The following INSR variants were observed in gnomAD, a reference collection of about 807,000 sequenced individuals.
INSR encodes the protein insulin receptor.
Under a neutral mutation model 142.6 loss-of-function variants are expected in INSR, and 67 were observed. The observed-to-expected ratio is 0.47, with a 90% CI of 0.39 to 0.58. The LOEUF is 0.58. Ranked by LOEUF, INSR falls within the 20% of genes least tolerant of loss-of-function variation. The pLI is 0.00. For synonymous variants in INSR, 756 were observed against 743.1 expected (o/e 1.02, Z -0.28); for missense variants, 1,248 against 1,833.2 (o/e 0.68, Z 5.83).
At chr19:7,205,284 C>T (rs901444301) in intron 2 of INSR, among the ~76,000 whole-genome samples, 5 of 152,340 alleles carry the variant, frequency 3.3e-5, no homozygotes, top group South Asian at 2.1e-4. Flanking sequence ...AAGCACATTT[C>T]GTTACAAATT....
At chr19:7,136,450 G>A (rs78463963) in intron 13 of INSR, among the ~76,000 whole-genome samples, 1,951 of 152,116 alleles carry the variant, frequency 0.013, 43 homozygotes, top group African/African-American at 0.044. Flanking sequence ...CTCAGTCCTG[G>A]CTAAACCTAG....
At chr19:7,190,469 T>A (rs556917566) in intron 2 of INSR, among the ~76,000 whole-genome samples, 24 of 147,100 alleles carry the variant, frequency 1.6e-4, no homozygotes, top group African/African-American at 5.0e-4. Context: ...GCCTCCCGGG[T>A]TCAAGCAATT....
chr19:7,211,522 C>A (rs1163238230), intron 2 of INSR, among the ~76,000 whole-genome samples: 1 of 152,196 alleles, frequency 6.6e-6, no homozygotes, highest in Non-Finnish European at 1.5e-5. Context: ...TTCTTAACGA[C>A]CTGGGCCTTT....
At position 7,216,302 on chromosome 19, in the gene INSR, C is replaced by T. The variant is rs1975431658; in HGVS notation, c.653-31665G>A. ...TCGTGCCATTGCACTCCAGCCTGGG[C>T]AAGAGAGCAAGACTCTGTCTCAAAG... On this transcript the variant is annotated intron_variant, in intron 2 of 21. Coordinates refer to ENST00000302850, the MANE Select transcript of INSR (RefSeq NM_000208.4). The surrounding 1 kb of genome is among the most constrained non-coding windows in gnomAD (Gnocchi z 4.2). Among the ~76,000 whole-genome samples, 2 of 152,154 alleles carry T rather than the reference C, an allele frequency of 1.3e-5. No individual in the cohort carries two copies. The highest frequency in any genetic ancestry group is 4.1e-4 in the South Asian group (2 of 4,822).
chr19:7,215,399 G>A (rs1051717669), intron 2 of INSR, among the ~76,000 whole-genome samples: 1 of 151,750 alleles, frequency 6.6e-6, no homozygotes, highest in African/African-American at 2.4e-5. Context: ...AATTCCAGCA[G>A]AGCAGACAGC....
At chr19:7,260,268 G>C (rs756491897) in intron 2 of INSR, among the ~76,000 whole-genome samples, 1 of 152,118 alleles carries the variant, frequency 6.6e-6, no homozygotes, top group East Asian at 1.9e-4. Context: ...TGGTGCCGAC[G>C]TCCATATGTG....
chr19:7,191,475 A>G lies in INSR; in HGVS notation c.653-6838T>C, dbSNP rs74809527. 3.5e-4 allele frequency among the ~76,000 whole-genome samples: 53 copies of G among 152,194 alleles called. No individual in the cohort carries two copies. The East Asian group carries it at 9.9e-3, about 28-fold the overall frequency. On this transcript the variant is annotated intron_variant, in intron 2 of 21. Transcript: ENST00000302850. ...ACGTTTCCACATACTCTTGCTCCCC[A>G]TACTGGTTCCTCTGAACTCGGATTG... is the stretch of plus-strand genomic sequence containing the variant.
chr19:7,204,910 AT>A (rs1290460201), intron 2 of INSR, among the ~76,000 whole-genome samples: 2 of 152,016 alleles, frequency 1.3e-5, no homozygotes, highest in Admixed American at 1.3e-4. Flanking sequence ...GCAAAACCTC[AT>A]TTCTACTAAA....
At chr19:7,230,355 G>T (rs1975931639) in intron 2 of INSR, among the ~76,000 whole-genome samples, 1 of 152,140 alleles carries the variant, frequency 6.6e-6, no homozygotes, top group Non-Finnish European at 1.5e-5. Context: ...GGTAGCAGCT[G>T]GATCACTTTG....
At chr19:7,236,516 T>C (rs2145138841) in intron 2 of INSR, among the ~76,000 whole-genome samples, 1 of 152,302 alleles carries the variant, frequency 6.6e-6, no homozygotes, top group South Asian at 2.1e-4. Context: ...AAATACGCTA[T>C]TGATAAATGC....
chr19:7,225,678 G>C lies in INSR; in HGVS notation c.653-41041C>G, dbSNP rs527641553. ...CAAACCACAGAGCCACGAGGCTGATGATGGGCTCTTGGTTTCCATTTCCCC... is the reference window on the plus strand; with the variant it reads ...CAAACCACAGAGCCACGAGGCTGATCATGGGCTCTTGGTTTCCATTTCCCC... On this transcript the variant is annotated intron_variant, in intron 2 of 21. Coordinates refer to ENST00000302850, the MANE Select transcript of INSR (RefSeq NM_000208.4). The surrounding 1 kb of genome is among the most constrained non-coding windows in gnomAD (Gnocchi z 4.7). Among the ~76,000 whole-genome samples the C allele has an allele frequency of 3.6e-4, 52 of 145,816 alleles. No homozygotes were observed. Among genetic ancestry groups the C allele is most frequent in the Non-Finnish European group, 6.9e-4 (46 of 67,114 alleles).
chr19:7,259,776 G>A (rs529517013), intron 2 of INSR, among the ~76,000 whole-genome samples: 21 of 151,294 alleles, frequency 1.4e-4, no homozygotes, highest in South Asian at 6.3e-4. Flanking sequence ...CTCAGATCAT[G>A]CCACTGCACT....
chr19:7,266,903 T>C (rs1431627539), intron 2 of INSR, among the ~76,000 whole-genome samples: 2 of 152,144 alleles, frequency 1.3e-5, no homozygotes, highest in African/African-American at 4.8e-5. Context: ...AGATAAGAAC[T>C]AAACTATTTT....
intron 2 of INSR, among the ~76,000 whole-genome samples, chr19:7,231,295 G>GTTTTTTTTTT (rs59830751): frequency 2.1e-4 from 28 of 135,024 alleles, no homozygotes; most frequent in African/African-American, 7.4e-4. Context: ...GGTGTTTTTT[G>GTTTTTTTTTT]TTTTTTTTTT....
intron 11 of INSR, among the ~76,000 whole-genome samples, chr19:7,145,973 T>C (rs914683789): frequency 2.6e-5 from 4 of 152,200 alleles, no homozygotes; most frequent in African/African-American, 9.6e-5. Context: ...TATTCTATTA[T>C]GAGTTTTATG....
At chr19:7,249,060 C>T (rs1976627554) in intron 2 of INSR, among the ~76,000 whole-genome samples, 3 of 152,080 alleles carry the variant, frequency 2.0e-5, no homozygotes, top group Admixed American at 6.6e-5. Flanking sequence ...CGCCCATGTC[C>T]CCCAGTATCT....
At chr19:7,127,516 T>C (rs1972674846) in intron 15 of INSR, among the ~76,000 whole-genome samples, 1 of 152,224 alleles carries the variant, frequency 6.6e-6, no homozygotes, top group African/African-American at 2.4e-5. Context: ...TTGAGGTTAT[T>C]TACATTATAT....
intron 2 of INSR, among the ~76,000 whole-genome samples, chr19:7,219,658 A>G (rs907531786): frequency 6.6e-6 from 1 of 151,248 alleles, no homozygotes; most frequent in African/African-American, 2.4e-5. Flanking sequence ...GAAGGAGGGA[A>G]GGAGGGAAGG....
intron 2 of INSR, among the ~76,000 whole-genome samples, chr19:7,189,260 A>G (rs1191394237): frequency 6.6e-6 from 1 of 152,228 alleles, no homozygotes; most frequent in Admixed American, 6.5e-5. Context: ...AGGCGTCATC[A>G]ATGGCCTAAC....
Sources: gnomAD v4.1 joint callset for allele counts (sites outside exome capture counted in the v4.1 genomes callset) on GRCh38, gnomAD v4.1.1 for gene constraint, Gnocchi (gnomAD v3.1) non-coding constraint, MANE v1.5 for transcripts, NCBI Gene and HGNC (gene_info 2026-07-23, HGNC 2026-07-21) for gene names.